The following ZNF790 variants were observed in gnomAD, a reference collection of about 807,000 sequenced individuals.
ZNF790 encodes the protein zinc finger protein 790.
ZNF790 carries 8 observed loss-of-function variants against 12.1 expected under a neutral mutation model. The ratio of observed to expected loss-of-function variants is 0.66; its 90% CI spans 0.39 to 1.19. The LOEUF is 1.19. Among genes scored for constraint, ZNF790 ranks in the 50% most tolerant of loss-of-function variants. The pLI is 0.01. For synonymous variants in ZNF790, 252 were observed against 244.3 expected, an observed-to-expected ratio of 1.03 and a Z score of -0.29; for missense variants, 707 against 752.2, an observed-to-expected ratio of 0.94 and a Z score of 0.70.
chr19:36,824,232 T>G (rs1349045916), intron 2 of ZNF790, among the ~76,000 whole-genome samples: 1 of 151,766 alleles, frequency 6.6e-6, no homozygotes, highest in Admixed American at 6.6e-5. Context: ...CTCCTGACCT[T>G]GTGATCCACC....
intron 1 of ZNF790, among the ~76,000 whole-genome samples, chr19:36,827,494 CTAATG>C (rs1461398282): frequency 5.9e-5 from 9 of 152,166 alleles, no homozygotes; most frequent in Non-Finnish European, 1.3e-4. Context: ...TTTTCAATGA[CTAATG>C]TATAGGAATA....
intron 1 of ZNF790, among the ~76,000 whole-genome samples, chr19:36,836,886 A>C (rs889105435): frequency 2.0e-5 from 3 of 152,150 alleles, no homozygotes; most frequent in Non-Finnish European, 4.4e-5. Context: ...TAGGGGATAA[A>C]TTGCTTGTTG....
chr19:36,843,808 A>G (rs997390441), intron 1 of ZNF790, among the ~76,000 whole-genome samples: 18 of 151,270 alleles, frequency 1.2e-4, no homozygotes, highest in African/African-American at 4.1e-4. Flanking sequence ...TGGGAGTTCG[A>G]GACCAGCCTG....
chr19:36,827,665 G>T (rs1157123276), intron 1 of ZNF790: 1 of 152,182 alleles, frequency 6.6e-6, no homozygotes, highest in Non-Finnish European at 1.5e-5. Flanking sequence ...CACCAGAGAA[G>T]ACAGGGCAAG....
chr19:36,839,124 G>T (rs2072105689), upstream of ZNF790, among the ~76,000 whole-genome samples: 2 of 152,174 alleles, frequency 1.3e-5, no homozygotes, highest in Admixed American at 6.5e-5. Context: ...TTCCATTCAT[G>T]CCATTCTTTT....
chr19:36,824,735 T>G (rs1489812613), intron 2 of ZNF790, among the ~76,000 whole-genome samples: 1 of 152,102 alleles, frequency 6.6e-6, no homozygotes, highest in East Asian at 1.9e-4. Flanking sequence ...CTGGAAGAAC[T>G]AGCCCCAGAT....
chr19:36,829,891 A>G (rs550424065), intron 1 of ZNF790, among the ~76,000 whole-genome samples: 377 of 152,304 alleles, frequency 2.5e-3, no homozygotes, highest in Non-Finnish European at 3.2e-3. Flanking sequence ...AAATGCTGCA[A>G]TGAACATTCA....
chr19:36,847,024 A>C (rs2146098002), intron 1 of ZNF790, among the ~76,000 whole-genome samples: 1 of 149,328 alleles, frequency 6.7e-6, no homozygotes. Flanking sequence ...GGGTCCTAAA[A>C]CCCTTGTAGT....
chr19:36,822,212 A>G (rs2071688477), intron 4 of ZNF790, among the ~76,000 whole-genome samples: 3 of 152,234 alleles, frequency 2.0e-5, no homozygotes, highest in Admixed American at 2.0e-4. Flanking sequence ...ATGTACAATC[A>G]AGGAGAAGAT....
At chr19:36,827,141 C>CATATATATATATATATATATATATATAT (rs369671729) in intron 1 of ZNF790, among the ~76,000 whole-genome samples, 1 of 84,440 alleles carries the variant, frequency 1.2e-5, no homozygotes, top group Admixed American at 1.4e-4. Context: ...CACACACACA[C>CATATATATATATATATATATATATATAT]ATATATATAT....
At chr19:36,820,942 CA>C (rs1056005797) in intron 4 of ZNF790, among the ~76,000 whole-genome samples, 13 of 144,676 alleles carry the variant, frequency 9.0e-5, no homozygotes, top group African/African-American at 3.1e-4. Context: ...TACATGTGCA[CA>C]ATGTGCCAGT....
At chr19:36,826,723 A>G (rs934796923) in intron 1 of ZNF790, among the ~76,000 whole-genome samples, 8 of 150,806 alleles carry the variant, frequency 5.3e-5, no homozygotes, top group Non-Finnish European at 1.2e-4. Flanking sequence ...AAGACCTACT[A>G]TCAAGGAATT....
intron 1 of ZNF790, among the ~76,000 whole-genome samples, chr19:36,836,978 G>C (rs534898959): frequency 2.0e-5 from 3 of 152,108 alleles, no homozygotes; most frequent in Non-Finnish European, 4.4e-5. Context: ...CCGGGTCTCT[G>C]AGTCCATTCT....
chr19:36,835,805 A>G (rs1194872955), intron 1 of ZNF790, among the ~76,000 whole-genome samples: 1 of 151,310 alleles, frequency 6.6e-6, no homozygotes, highest in African/African-American at 2.4e-5. Context: ...TCCTCTATCT[A>G]GTAAGCAATG....
chr19:36,837,529 C>T (rs1188582336), intron 1 of ZNF790: 1 of 152,166 alleles, frequency 6.6e-6, no homozygotes, highest in Non-Finnish European at 1.5e-5. Context: ...TTTTGTTGAC[C>T]TCTACCAAAC....
upstream of ZNF790, among the ~76,000 whole-genome samples, chr19:36,842,473 G>A (rs1049153696): frequency 2.6e-5 from 4 of 151,930 alleles, no homozygotes; most frequent in African/African-American, 9.7e-5. Flanking sequence ...ATTATAGTGA[G>A]ACAGACAAAG....
intron 1 of ZNF790, among the ~76,000 whole-genome samples, chr19:36,848,775 C>T (rs567066176): frequency 7.2e-6 from 1 of 138,188 alleles, no homozygotes; most frequent in African/African-American, 2.8e-5. Flanking sequence ...GCTCCAAAGC[C>T]GAAAGAGGAG....
chr19:36,818,662 G>A lies in ZNF790; in HGVS notation c.1682C>T (p.Pro561Leu), dbSNP rs1283785085. The A allele has an allele frequency of 6.2e-7, 1 of 1,612,484 alleles. No homozygotes were observed. Among genetic ancestry groups the A allele is most frequent in the Non-Finnish European group, 8.5e-7 (1 of 1,179,508 alleles). ...RHKKIHTDAEPYGCKKSSHIF... is the reference protein window; with the variant it reads ...RHKKIHTDAELYGCKKSSHIF... ...GTGGCTACTTTTCTTGCATCCATAA[G>A]GTTCTGCATCAGTATGAATTTTCTT... is the stretch of plus-strand genomic sequence containing the variant. The change falls in exon 5 of 5, where the codon CCT (proline) becomes CTT (leucine). Residue 561 changes from proline (P) to leucine (L), a missense_variant. By Grantham distance (98) the Pro-to-Leu change is moderately conservative (BLOSUM62 -3). Transcript: ENST00000356725.
intron 1 of ZNF790, among the ~76,000 whole-genome samples, chr19:36,847,211 G>T (rs914246283): frequency 4.0e-5 from 6 of 151,866 alleles, no homozygotes; most frequent in Non-Finnish European, 5.9e-5. Flanking sequence ...AAAATTAGCC[G>T]GGTGTGGTGG....
Sources: allele counts gnomAD v4.1 joint callset (sites outside exome capture counted in the v4.1 genomes callset), GRCh38; gene constraint gnomAD v4.1.1; transcripts MANE v1.5; gene names NCBI Gene and HGNC (gene_info 2026-07-23, HGNC 2026-07-21).